Variants in DNAH5 observed in about 807,000 individuals in gnomAD.
DNAH5 encodes dynein axonemal heavy chain 5, also known as axonemal beta dynein heavy chain 5.
DNAH5 carries 372 observed loss-of-function variants against 518.2 expected under a neutral mutation model. The observed-to-expected ratio is 0.72, with a 90% CI of 0.66 to 0.78. The LOEUF is 0.78. Ranked by LOEUF, DNAH5 falls within the 30% of genes least tolerant of loss-of-function variation. The pLI is 0.00. For synonymous variants in DNAH5, 2,039 were observed against 2,025.9 expected, an observed-to-expected ratio of 1.01 and a Z score of -0.17; for missense variants, 5,523 against 5,687.0, an observed-to-expected ratio of 0.97 and a Z score of 0.93.
rs182921194 is a variant in DNAH5, at chr5:13,744,649, G to T, written c.11211+6429C>A. Among the ~76,000 whole-genome samples, 39 of 152,038 alleles carry T rather than the reference G, an allele frequency of 2.6e-4. No individual in the cohort carries two copies. In the East Asian group the frequency reaches 7.3e-3, roughly 29 times the overall value. Reference sequence around the variant, plus strand: ...TTAAAAATAAAATAAAAATTTACACGTACAGGGTGGTTTGGTAAAATTTCG... The same window carrying T: ...TTAAAAATAAAATAAAAATTTACACTTACAGGGTGGTTTGGTAAAATTTCG... On this transcript the variant is annotated intron_variant, in intron 65 of 78. Transcript: ENST00000265104.
At chr5:13,785,436 C>T (rs1755846427) in intron 52 of DNAH5, among the ~76,000 whole-genome samples, 1 of 152,174 alleles carries the variant, frequency 6.6e-6, no homozygotes, top group African/African-American at 2.4e-5. Flanking sequence ...TGGTGGATTT[C>T]ATTCTAACAG....
chr5:13,753,947 T>G (rs1750618679), intron 62 of DNAH5, among the ~76,000 whole-genome samples: 1 of 152,064 alleles, frequency 6.6e-6, no homozygotes, highest in Non-Finnish European at 1.5e-5. Flanking sequence ...ACACATCTAA[T>G]AAGGACAGCA....
At chr5:13,880,783 A>G (rs1423646092) in intron 21 of DNAH5, among the ~76,000 whole-genome samples, 1 of 152,014 alleles carries the variant, frequency 6.6e-6, no homozygotes, top group African/African-American at 2.4e-5. Flanking sequence ...CTACAAAACA[A>G]CCAGAAAACA....
chr5:13,715,086 C>G (rs1034347974), intron 74 of DNAH5, among the ~76,000 whole-genome samples: 4 of 152,030 alleles, frequency 2.6e-5, no homozygotes, highest in Non-Finnish European at 5.9e-5. Context: ...GGGAAAAATA[C>G]AGAGACTAGG....
Position 13,708,604 on chromosome 5 carries a change from T to C in DNAH5, c.13126-269A>G, listed in dbSNP as rs573282460. Among the ~76,000 whole-genome samples, 4 of 152,300 alleles carry C rather than the reference T, an allele frequency of 2.6e-5. No individual in the cohort carries two copies. In the South Asian group the frequency reaches 8.3e-4, roughly 32 times the overall value. Reference sequence around the variant, plus strand: ...AATGTAAAATGCATGACCACAACCATGCAGTCTTCCAAACAGCAAATGCAC... The same window carrying C: ...AATGTAAAATGCATGACCACAACCACGCAGTCTTCCAAACAGCAAATGCAC... On this transcript the variant is annotated intron_variant, in intron 75 of 78. Transcript: ENST00000265104.
At chr5:13,753,175 G>A in intron 63 of DNAH5, 58 bp downstream of exon 63, 1 of 1,329,094 alleles carries the variant, frequency 7.5e-7, no homozygotes, top group South Asian at 1.2e-5. Flanking sequence ...TTGGATTTTT[G>A]TTTATCTGAG....
rs1453134825 is a variant in DNAH5 at position 13,824,285 on chromosome 5, A to C, written c.6493T>G (p.Leu2165Val). Residue 2165 changes from leucine (L) to valine (V), a missense_variant, in exon 39 of 79, where the codon TTG becomes GTG. By Grantham distance (32) the Leu-to-Val change is conservative. Coordinates refer to ENST00000265104, the MANE Select transcript of DNAH5 (RefSeq NM_001369.3). ...LRNILSVLRTLGAAKRANPMD... is the reference protein window; with the variant it reads ...LRNILSVLRTVGAAKRANPMD... ...GGATTGGCTCTTTTTGCTGCTCCCA[A>C]GGTCCGAAGAACTGACAGAATGTTA... is the stretch of plus-strand genomic sequence containing the variant. 2.5e-6 allele frequency: 4 copies of C among 1,613,980 alleles called. No homozygotes were observed. Among genetic ancestry groups the C allele is most frequent in the Non-Finnish European group, 3.4e-6 (4 of 1,179,992 alleles).
chr5:13,847,209 T>C (rs2151875865), intron 31 of DNAH5, among the ~76,000 whole-genome samples: 1 of 151,636 alleles, frequency 6.6e-6, no homozygotes, highest in East Asian at 1.9e-4. Flanking sequence ...GGGAGGGTGT[T>C]GTTTTTGTAT....
chr5:13,725,416 C>T (rs1411603784), intron 70 of DNAH5, among the ~76,000 whole-genome samples: 1 of 152,194 alleles, frequency 6.6e-6, no homozygotes. Context: ...GACAGGAGGA[C>T]ACCCATAATA....
chr5:13,788,978 T>C (rs1223159177), intron 50 of DNAH5, 64 bp from the exon 51 acceptor site: 2 of 1,423,726 alleles, frequency 1.4e-6, no homozygotes, highest in Non-Finnish European at 2.0e-6. Context: ...GAATTCAGGT[T>C]GACAGTACTG....
chr5:13,699,866 A>G (rs566455395), intron 78 of DNAH5, among the ~76,000 whole-genome samples: 5 of 152,214 alleles, frequency 3.3e-5, no homozygotes, highest in South Asian at 2.1e-4. Flanking sequence ...ACGAACAGGG[A>G]ATTCCCTCGT....
At chr5:13,792,294 G>C (rs529294202) in intron 49 of DNAH5, 77 bp from the exon 50 acceptor site, 4 of 1,271,090 alleles carry the variant, frequency 3.1e-6, no homozygotes, top group Non-Finnish European at 4.5e-6. Flanking sequence ...TTATAGCATA[G>C]GGTTTGCAAA....
Position 13,907,431 on chromosome 5 carries a change from C to T in DNAH5, c.1644+3955G>A, listed in dbSNP as rs530620246. On this transcript the variant is annotated intron_variant, in intron 12 of 78. Transcript: ENST00000265104. ...GGGCAAGAGTGAAACTCTGTCCCCC[C>T]GCCACCCCCCAAAAAAAGAACCTGG... Among the ~76,000 whole-genome samples the T allele has an allele frequency of 2.6e-5, 4 of 151,980 alleles. No individual in the cohort carries two copies. In the South Asian group the frequency reaches 6.2e-4, roughly 24 times the overall value.
intron 21 of DNAH5, among the ~76,000 whole-genome samples, chr5:13,878,558 C>T (rs1485178520): frequency 2.0e-5 from 3 of 152,084 alleles, no homozygotes; most frequent in African/African-American, 4.8e-5. Flanking sequence ...CCTCTGGCTC[C>T]CCTAGTGATA....
chr5:13,938,153 C>T (rs183081247), intron 1 of DNAH5, among the ~76,000 whole-genome samples: 18 of 152,240 alleles, frequency 1.2e-4, no homozygotes, highest in Non-Finnish European at 2.1e-4. Flanking sequence ...ACACTGTAGA[C>T]ATTACCCAAC....
intron 61 of DNAH5, among the ~76,000 whole-genome samples, chr5:13,757,165 A>T (rs181500449): frequency 5.6e-4 from 85 of 152,354 alleles, no homozygotes; most frequent in African/African-American, 1.6e-3. Flanking sequence ...AGCAATGAAC[A>T]TATTCACACA....
chr5:13,697,458 G>A (rs1455684608), intron 78 of DNAH5, among the ~76,000 whole-genome samples: 1 of 152,076 alleles, frequency 6.6e-6, no homozygotes, highest in East Asian at 1.9e-4. Flanking sequence ...TTTAAACACT[G>A]GTCCCCTCCC....
At chr5:13,919,145 T>C (rs1429936439) in intron 7 of DNAH5, 31 bp downstream of exon 7, 24 of 1,613,854 alleles carry the variant, frequency 1.5e-5, no homozygotes, top group Non-Finnish European at 2.0e-5. Flanking sequence ...CTTATTCCCA[T>C]TTCACAAGGC....
chr5:13,985,656 C>T (rs1165604147), intron 1 of DNAH5, among the ~76,000 whole-genome samples: 1 of 152,034 alleles, frequency 6.6e-6, no homozygotes, highest in African/African-American at 2.4e-5. Context: ...CCAAAGGAAG[C>T]ATATACCCCT....
Sources: allele counts gnomAD v4.1 joint callset (sites outside exome capture counted in the v4.1 genomes callset), GRCh38; gene constraint gnomAD v4.1.1; transcripts MANE v1.5; gene names NCBI Gene and HGNC (gene_info 2026-07-23, HGNC 2026-07-21).